Variants in ZNF423 observed in about 807,000 individuals in gnomAD.
The protein encoded by ZNF423 is Ebf-associated zinc finger protein.
In ZNF423, 12 loss-of-function variants were observed where a neutral mutation model predicts 95.8. The observed-to-expected ratio is 0.13, with a 90% CI of 0.08 to 0.20. The LOEUF (loss-of-function observed/expected upper bound fraction) is 0.20, where lower values mean the gene tolerates loss of function less well. ZNF423 is among the 10% of genes least tolerant of loss of function. The pLI is 1.00. For missense variants in ZNF423, 1,316 were observed against 1,737.1 expected (o/e 0.76, Z 4.31); for synonymous variants, 749 against 711.9 (o/e 1.05, Z -0.83).
In ZNF423 at chr16:49,489,052, A is replaced by G. The variant is rs1190089981; in HGVS notation, c.*2223T>C. 4.6e-5 allele frequency: 7 copies of G among 152,170 alleles called. No individual in the cohort carries two copies. Among genetic ancestry groups the G allele is most frequent in the Admixed American group, 3.9e-4 (6 of 15,272 alleles). The allele number at this position is 152,170 out of a possible 1,614,324, so 9.4% of individuals were successfully genotyped here. A position where few individuals can be genotyped will look rare whatever the true frequency, so the allele number is the denominator to read the frequency against. ...AGCCGGCTTCGCTGCTGATTCCCACATGGCGTGAAAAGCTCTTAAACCCCC... is the reference window on the plus strand; with the variant it reads ...AGCCGGCTTCGCTGCTGATTCCCACGTGGCGTGAAAAGCTCTTAAACCCCC... On this transcript the variant is annotated 3_prime_UTR_variant, in exon 8 of 8. Transcript: ENST00000563137.
chr16:49,545,559 C>T (rs952010118), intron 5 of ZNF423, among the ~76,000 whole-genome samples: 13 of 152,170 alleles, frequency 8.5e-5, no homozygotes, highest in Admixed American at 2.6e-4. Flanking sequence ...ACCGAGCCTC[C>T]GACAGAAAAG....
intron 2 of ZNF423, among the ~76,000 whole-genome samples, chr16:49,732,036 C>G (rs2033181968): frequency 6.6e-6 from 1 of 152,178 alleles, no homozygotes; most frequent in Non-Finnish European, 1.5e-5. Context: ...ATATGCACAG[C>G]CCCATTTCAC....
At chr16:49,517,832 T>A (rs1968215657) in intron 7 of ZNF423, 1 of 405,694 alleles carries the variant, frequency 2.5e-6, no homozygotes, top group Non-Finnish European at 4.8e-6. Flanking sequence ...GATATGCTGC[T>A]TACTGTTCCC....
chr16:49,719,068 C>T (rs183987716), intron 3 of ZNF423, among the ~76,000 whole-genome samples: 1 of 152,192 alleles, frequency 6.6e-6, no homozygotes, highest in African/African-American at 2.4e-5. Context: ...TGGTAGTAAC[C>T]GAGATTGATT....
chr16:49,665,000 C>T (rs915766343), intron 3 of ZNF423, among the ~76,000 whole-genome samples: 2 of 152,190 alleles, frequency 1.3e-5, no homozygotes, highest in Admixed American at 6.5e-5. Context: ...ATTTTCTTCC[C>T]TTGGCTTCCC....
chr16:49,533,821 C>T (rs1968946936), intron 5 of ZNF423, among the ~76,000 whole-genome samples: 1 of 152,154 alleles, frequency 6.6e-6, no homozygotes, highest in African/African-American at 2.4e-5. Flanking sequence ...GGTTGTCCAC[C>T]TCACAGGGCT....
chr16:49,725,908 C>A (rs1055965742), intron 3 of ZNF423, among the ~76,000 whole-genome samples: 1 of 152,196 alleles, frequency 6.6e-6, no homozygotes, highest in Non-Finnish European at 1.5e-5. Flanking sequence ...GATCAGGGAA[C>A]GGAGCTGAAG....
intron 1 of ZNF423, among the ~76,000 whole-genome samples, chr16:49,843,700 A>G (rs2035214587): frequency 6.6e-6 from 1 of 152,050 alleles, no homozygotes; most frequent in Non-Finnish European, 1.5e-5. Context: ...CTTGACTCAG[A>G]CCTTCAGGGA....
At chr16:49,683,019 G>C (rs1243032798) in intron 3 of ZNF423, among the ~76,000 whole-genome samples, 1 of 152,204 alleles carries the variant, frequency 6.6e-6, no homozygotes, top group Non-Finnish European at 1.5e-5. Flanking sequence ...AATAAAGAAG[G>C]GGCCCTTCTC....
upstream of ZNF423, among the ~76,000 whole-genome samples, chr16:49,858,396 A>AC (rs1446427892): frequency 1.3e-5 from 2 of 149,950 alleles, no homozygotes; most frequent in African/African-American, 2.5e-5. The surrounding 1 kb of genome is among the most constrained non-coding windows in gnomAD (Gnocchi z 4.3). Context: ...CCACCCACGC[A>AC]CCCCCGCGGC....
intron 3 of ZNF423, among the ~76,000 whole-genome samples, chr16:49,709,450 G>A (rs1173573017): frequency 1.3e-5 from 2 of 151,948 alleles, no homozygotes; most frequent in African/African-American, 4.8e-5. Flanking sequence ...CCTACACCAC[G>A]CCAGGTACGA....
intron 5 of ZNF423, among the ~76,000 whole-genome samples, chr16:49,543,545 G>A (rs563350212): frequency 8.5e-5 from 13 of 152,380 alleles, no homozygotes; most frequent in Admixed American, 2.0e-4. Flanking sequence ...CCTCCAGTGC[G>A]GGCTGGGTCT....
chr16:49,605,211 A>T (rs1020105134), intron 5 of ZNF423, among the ~76,000 whole-genome samples: 2 of 152,024 alleles, frequency 1.3e-5, no homozygotes, highest in African/African-American at 4.8e-5. Context: ...TTCCCTGGAG[A>T]TACAAATCCT....
At chr16:49,686,929 G>A (rs977037876) in intron 3 of ZNF423, among the ~76,000 whole-genome samples, 1 of 151,980 alleles carries the variant, frequency 6.6e-6, no homozygotes, top group East Asian at 2.0e-4. Context: ...ACCTTGGATC[G>A]CATGTTCCTA....
chr16:49,571,150 AG>A (rs1380256159), intron 5 of ZNF423, among the ~76,000 whole-genome samples: 1 of 152,034 alleles, frequency 6.6e-6, no homozygotes, highest in African/African-American at 2.4e-5. Flanking sequence ...AGGCATCTAT[AG>A]TGTGCCGTCC....
At chr16:49,518,250 G>C (rs111510831) in intron 7 of ZNF423, 1 of 385,352 alleles carries the variant, frequency 2.6e-6, no homozygotes, top group East Asian at 7.2e-5. Flanking sequence ...ACCATTTCTT[G>C]CATGTGCAGA....
At position 49,642,175 on chromosome 16, in the gene ZNF423, C is replaced by T. The variant is rs536410723; in HGVS notation, c.302-3301G>A. ...TTATCGCAATTAATTTCTATTCATC[C>T]TCACAACAACCATATCTGGCTGTCT... On this transcript the variant is annotated intron_variant, in intron 3 of 7. Coordinates refer to ENST00000563137, the MANE Select transcript of ZNF423 (RefSeq NM_001379286.1). 2.0e-5 allele frequency among the ~76,000 whole-genome samples: 3 copies of T among 152,292 alleles called. No homozygotes were observed. In the South Asian group the frequency reaches 6.2e-4, roughly 32 times the overall value.
intron 5 of ZNF423, among the ~76,000 whole-genome samples, chr16:49,607,995 G>A (rs1263768686): frequency 6.6e-6 from 1 of 152,144 alleles, no homozygotes; most frequent in Non-Finnish European, 1.5e-5. Flanking sequence ...TCAATGACTG[G>A]AGATCATTCT....
At chr16:49,607,058 A>G (rs564482844) in intron 5 of ZNF423, among the ~76,000 whole-genome samples, 2 of 146,092 alleles carry the variant, frequency 1.4e-5, no homozygotes, top group Admixed American at 6.9e-5. Context: ...GTGAAACGTT[A>G]AATGTTTTGG....
Sources: allele counts gnomAD v4.1 joint callset (sites outside exome capture counted in the v4.1 genomes callset), GRCh38; gene constraint gnomAD v4.1.1; non-coding constraint Gnocchi (gnomAD v3.1); transcripts MANE v1.5; gene names NCBI Gene and HGNC (gene_info 2026-07-23, HGNC 2026-07-21).